The following NUP93 variants were observed in gnomAD, a reference collection of about 807,000 sequenced individuals.
NUP93 encodes nucleoporin 93, also known as nuclear pore complex protein Nup93.
A neutral mutation model predicts 107.8 loss-of-function variants in NUP93; 55 were observed. That is an observed-to-expected ratio of 0.51 (90% CI 0.41 to 0.64). The LOEUF (loss-of-function observed/expected upper bound fraction) is 0.64. Among genes scored for constraint, NUP93 ranks in the 30% least tolerant of loss-of-function variants. The pLI is 0.00. For synonymous variants in NUP93, 390 were observed against 397.5 expected (o/e 0.98, Z 0.22); for missense variants, 937 against 1,044.7 (o/e 0.90, Z 1.42).
intron 3 of NUP93, among the ~76,000 whole-genome samples, chr16:56,785,202 T>G (rs1265656889): frequency 6.6e-6 from 1 of 152,222 alleles, no homozygotes; most frequent in Non-Finnish European, 1.5e-5. Flanking sequence ...AAATGTTTGG[T>G]TGGATGACAT....
chr16:56,739,952 C>G (rs1386732137), intron 1 of NUP93, among the ~76,000 whole-genome samples: 201 of 85,426 alleles, frequency 2.4e-3, no homozygotes, highest in Middle Eastern at 5.7e-3. Context: ...GGGGGCCGAC[C>G]CCCCCCACCT....
At chr16:56,841,606 T>G in intron 20 of NUP93, 99 bp from the exon 21 acceptor site, 1 of 1,462,684 alleles carries the variant, frequency 6.8e-7, no homozygotes, top group Non-Finnish European at 9.2e-7. Flanking sequence ...TGAGGAGTGG[T>G]GCAACCAGGC....
At chr16:56,811,805 A>C (rs1200370773) in intron 5 of NUP93, among the ~76,000 whole-genome samples, 4 of 152,190 alleles carry the variant, frequency 2.6e-5, no homozygotes, top group African/African-American at 9.6e-5. Flanking sequence ...GTTGTTACGT[A>C]AGGAATGTAG....
chr16:56,798,588 C>T (rs768284499), intron 4 of NUP93, 50 bp downstream of exon 4: 1 of 1,467,816 alleles, frequency 6.8e-7, no homozygotes, highest in Admixed American at 1.7e-5. Flanking sequence ...GGCAAGAGGG[C>T]TGGGCGTGGT....
rs1964088195 is a variant in NUP93, at chr16:56,844,574, G to T, written c.2425G>T (p.Ala809Ser). 1 of 1,591,822 alleles carries T rather than the reference G, an allele frequency of 6.3e-7. No individual in the cohort carries two copies. Among genetic ancestry groups the T allele is most frequent in the Non-Finnish European group, 8.6e-7 (1 of 1,169,394 alleles). Reference sequence around the variant, plus strand: ...ATACCGAACGTCTGGGGACACCAATGCGAGGCTGGTGCAGATGGAGGTCCT... The same window carrying T: ...ATACCGAACGTCTGGGGACACCAATTCGAGGCTGGTGCAGATGGAGGTCCT... Reference protein sequence around the residue: ...IPYRTSGDTNARLVQMEVLMN With the variant: ...IPYRTSGDTNSRLVQMEVLMN The change falls in exon 22 of 22, where the codon GCG becomes TCG. Residue 809 changes from alanine to serine, a missense_variant. Ala to Ser is a moderately conservative substitution (Grantham distance 99, BLOSUM62 1). Transcript: ENST00000308159.
intron 8 of NUP93, among the ~76,000 whole-genome samples, chr16:56,827,777 G>C (rs779898529): frequency 6.6e-6 from 1 of 152,216 alleles, no homozygotes; most frequent in Non-Finnish European, 1.5e-5. Flanking sequence ...AGGAGATTGA[G>C]GGGGGAAGAT....
chr16:56,779,814 G>GT (rs1439790347), intron 3 of NUP93, among the ~76,000 whole-genome samples: 7 of 152,114 alleles, frequency 4.6e-5, no homozygotes, highest in African/African-American at 1.7e-4. Context: ...ACTTGGTGAA[G>GT]TTTTTTTCAG....
chr16:56,738,053 T>G (rs1450213702), intron 1 of NUP93, among the ~76,000 whole-genome samples: 1 of 152,252 alleles, frequency 6.6e-6, no homozygotes, highest in African/African-American at 2.4e-5. Context: ...TCTGTAGAGA[T>G]AATTTCCATC....
At chr16:56,778,748 G>A (rs978514571) in intron 3 of NUP93, among the ~76,000 whole-genome samples, 3 of 152,164 alleles carry the variant, frequency 2.0e-5, no homozygotes, top group African/African-American at 4.8e-5. Flanking sequence ...TTTCATTTCC[G>A]TTTCTGATGT....
intron 7 of NUP93, 31 bp downstream of exon 7, chr16:56,821,624 C>T (rs1472793062): frequency 6.7e-6 from 10 of 1,499,728 alleles, no homozygotes; most frequent in East Asian, 2.3e-5. Context: ...AAGTAGAAAC[C>T]GGGGTCCAGT....
chr16:56,842,843 G>A lies in NUP93; in HGVS notation c.2349+1010G>A, dbSNP rs987224486. ...GCTAGGATTACAGATGTGAGCCACC[G>A]TTCCCGGCCCCACAATAGTGTTTTT... On this transcript the variant is annotated intron_variant, in intron 21 of 21. Transcript: ENST00000308159. 8.4e-5 allele frequency: 25 copies of A among 299,032 alleles called. No individual in the cohort carries two copies. In the Admixed American group the frequency reaches 9.2e-4, roughly 11 times the overall value. 18.5% of individuals were successfully genotyped at this position (299,032 alleles called of 1,614,324 possible).
At chr16:56,740,348 G>T (rs1961706749) in intron 1 of NUP93, among the ~76,000 whole-genome samples, 1 of 150,026 alleles carries the variant, frequency 6.7e-6, no homozygotes, top group Admixed American at 6.6e-5. Context: ...CTCCCAGACG[G>T]GGTCTCGGCC....
At position 56,805,652 on chromosome 16, in the gene NUP93, T is replaced by TA; in HGVS notation, c.489+23dup. The TA allele has an allele frequency of 6.2e-7, 1 of 1,607,474 alleles. No individual in the cohort carries two copies. Among genetic ancestry groups the TA allele is most frequent in the East Asian group, 2.2e-5 (1 of 44,662 alleles). On this transcript the variant is annotated intron_variant, in intron 5 of 21. Transcript: ENST00000308159. Reference sequence around the variant, plus strand: ...AGCGAGGTAGCTTGAATGCAAAAGATAAACTACTGTTAATAAAAACATGAA... The same window carrying TA: ...AGCGAGGTAGCTTGAATGCAAAAGATAAAACTACTGTTAATAAAAACATGAA...
At chr16:56,812,364 G>A (rs1376974666) in intron 5 of NUP93, among the ~76,000 whole-genome samples, 1 of 150,948 alleles carries the variant, frequency 6.6e-6, no homozygotes, top group African/African-American at 2.4e-5. Flanking sequence ...CTTTTTTTGA[G>A]ACAGAGTCTC....
chr16:56,754,834 CT>C (rs1429075757), intron 2 of NUP93, among the ~76,000 whole-genome samples: 2 of 152,214 alleles, frequency 1.3e-5, no homozygotes, highest in African/African-American at 2.4e-5. Context: ...GGCTCTGCCC[CT>C]GTAGCCGACT....
At chr16:56,774,024 A>G (rs1410392017) in intron 3 of NUP93, among the ~76,000 whole-genome samples, 1 of 152,204 alleles carries the variant, frequency 6.6e-6, no homozygotes, top group Non-Finnish European at 1.5e-5. Flanking sequence ...TGTTTTCATC[A>G]TAGAGGTATT....
At chr16:56,825,379 A>G (rs1963638073) in intron 8 of NUP93, among the ~76,000 whole-genome samples, 1 of 151,518 alleles carries the variant, frequency 6.6e-6, no homozygotes, top group Admixed American at 6.6e-5. Flanking sequence ...TAATTTTTGT[A>G]TTTTTAGTAG....
chr16:56,811,173 C>T (rs1684651930), intron 5 of NUP93, among the ~76,000 whole-genome samples: 1 of 152,186 alleles, frequency 6.6e-6, no homozygotes, highest in African/African-American at 2.4e-5. Flanking sequence ...TCAGCATTAG[C>T]AGATACTGCC....
intron 1 of NUP93, among the ~76,000 whole-genome samples, chr16:56,734,279 A>G (rs1477303236): frequency 6.6e-6 from 1 of 152,232 alleles, no homozygotes; most frequent in Non-Finnish European, 1.5e-5. Context: ...TAAGGGGGTT[A>G]GCTAGGTAGG....
Sources: allele counts gnomAD v4.1 joint callset (sites outside exome capture counted in the v4.1 genomes callset), GRCh38; gene constraint gnomAD v4.1.1; transcripts MANE v1.5; gene names NCBI Gene and HGNC (gene_info 2026-07-23, HGNC 2026-07-21).